The following DOCK4 variants were observed in gnomAD, a reference collection of about 807,000 sequenced individuals.
DOCK4 encodes the protein dedicator of cytokinesis 4.
In DOCK4, 97 loss-of-function variants were observed where a neutral mutation model predicts 268.1. That is an observed-to-expected ratio of 0.36 (90% confidence interval 0.31 to 0.43). DOCK4 has a LOEUF of 0.43. DOCK4 is among the 20% of genes least tolerant of loss of function. The probability of loss-of-function intolerance (pLI) is 1.00; values close to 1 mark genes in which losing one functional copy is unlikely to be tolerated. For synonymous variants in DOCK4, 954 were observed against 887.2 expected, an observed-to-expected ratio of 1.08 and a Z score of -1.34; for missense variants, 2,145 against 2,455.7, an observed-to-expected ratio of 0.87 and a Z score of 2.67.
intron 1 of DOCK4, among the ~76,000 whole-genome samples, chr7:112,202,020 T>TC (rs1820985217): frequency 6.6e-6 from 1 of 152,242 alleles, no homozygotes; most frequent in African/African-American, 2.4e-5. Context: ...GACAGGATTT[T>TC]CCCCTTTTTC....
At chr7:112,182,799 G>C (rs1372469838) in intron 1 of DOCK4, among the ~76,000 whole-genome samples, 5 of 152,206 alleles carry the variant, frequency 3.3e-5, no homozygotes, top group African/African-American at 9.7e-5. Flanking sequence ...TCACTATCAA[G>C]ACCTAAACCA....
chr7:111,924,859 A>C (rs1270865544), intron 12 of DOCK4, among the ~76,000 whole-genome samples: 1 of 152,252 alleles, frequency 6.6e-6, no homozygotes, highest in Non-Finnish European at 1.5e-5. Flanking sequence ...GCAGCTCTTC[A>C]CACTGCCATT....
In DOCK4 at chr7:111,913,120, T is replaced by A. The variant is rs190726163; in HGVS notation, c.1192+2659A>T. Among the ~76,000 whole-genome samples the A allele has an allele frequency of 8.4e-4, 127 of 151,000 alleles. No individual in the cohort carries two copies. In the East Asian group the frequency reaches 0.023, roughly 27 times the overall value. On this transcript the variant is annotated intron_variant, in intron 13 of 52. Coordinates refer to ENST00000428084, the MANE Select transcript of DOCK4 (RefSeq NM_001363540.2). The stretch of plus-strand genomic sequence containing the variant: ...CTGGAATTACAGTCACATGCCACCA[T>A]GCCCGGCTAATTTTTTGTATTTTTA...
intron 8 of DOCK4, among the ~76,000 whole-genome samples, chr7:111,955,141 T>C (rs1206814057): frequency 2.0e-5 from 3 of 152,128 alleles, no homozygotes; most frequent in African/African-American, 4.8e-5. Context: ...CCCAACCACA[T>C]GAGAACACAA....
chr7:112,187,697 A>C (rs953620568), intron 1 of DOCK4, among the ~76,000 whole-genome samples: 1 of 152,172 alleles, frequency 6.6e-6, no homozygotes, highest in Non-Finnish European at 1.5e-5. Context: ...ACAATGATTA[A>C]TAGTCATAAT....
Position 111,792,584 on chromosome 7 carries a change from T to A in DOCK4, c.3167-1979A>T, listed in dbSNP as rs192429317. On this transcript the variant is annotated intron_variant, in intron 30 of 52. Coordinates refer to ENST00000428084, the MANE Select transcript of DOCK4 (RefSeq NM_001363540.2). ...TTTTAGTAGAGACGGGGTTTTACCA[T>A]GTTGCCCAGGCTGGTCTTGAACTCC... Among the ~76,000 whole-genome samples, 180 of 152,232 alleles carry A rather than the reference T, an allele frequency of 1.2e-3. 1 individual carries two copies. The highest frequency in any genetic ancestry group is 4.2e-3 in the African/African-American group (176 of 41,526).
In DOCK4 at chr7:111,945,803, A is replaced by G; in HGVS notation, c.702-5T>C. The stretch of plus-strand genomic sequence containing the variant: ...AGCCTCAAGAAAAATCTCTCACTAC[A>G]AGAGAAAAAATGTTTAACAATTTGA... On this transcript the variant is annotated splice_region_variant and splice_polypyrimidine_tract_variant and intron_variant, in intron 8 of 52. Transcript: ENST00000428084. 6.4e-7 allele frequency: 1 copy of G among 1,572,590 alleles called. No individual in the cohort carries two copies. The highest frequency in any genetic ancestry group is 8.6e-7 in the Non-Finnish European group (1 of 1,157,816).
intron 8 of DOCK4, among the ~76,000 whole-genome samples, chr7:111,952,577 A>G (rs1163923929): frequency 6.6e-6 from 1 of 152,244 alleles, no homozygotes; most frequent in Non-Finnish European, 1.5e-5. Flanking sequence ...AAAACTGTCT[A>G]GTGATTCAAT....
chr7:111,979,271 A>G (rs1758993484), intron 7 of DOCK4, among the ~76,000 whole-genome samples: 1 of 152,188 alleles, frequency 6.6e-6, no homozygotes, highest in Admixed American at 6.5e-5. Flanking sequence ...TTCATCTACA[A>G]TCACTGTATA....
chr7:112,015,633 T>C (rs1356087611), intron 1 of DOCK4, among the ~76,000 whole-genome samples: 1 of 152,176 alleles, frequency 6.6e-6, no homozygotes, highest in Non-Finnish European at 1.5e-5. Context: ...TATTCTTAAA[T>C]AAGCTTCAGC....
chr7:112,001,165 T>C (rs922437996), intron 2 of DOCK4, among the ~76,000 whole-genome samples: 4 of 152,230 alleles, frequency 2.6e-5, no homozygotes, highest in African/African-American at 4.8e-5. Flanking sequence ...GAGCTCAGCG[T>C]AATTTTTATT....
chr7:111,895,568 G>A, intron 16 of DOCK4, 44 bp downstream of exon 16: 1 of 1,508,824 alleles, frequency 6.6e-7, no homozygotes, highest in Admixed American at 1.7e-5. Context: ...TGTTATTTCA[G>A]CACTGTTTTT....
intron 4 of DOCK4, among the ~76,000 whole-genome samples, chr7:111,994,841 C>T (rs926719569): frequency 6.6e-6 from 1 of 152,142 alleles, no homozygotes; most frequent in Non-Finnish European, 1.5e-5. Context: ...TGGCTTATGA[C>T]ATCACCGATA....
chr7:111,951,106 T>C (rs1408732846), intron 8 of DOCK4, among the ~76,000 whole-genome samples: 1 of 152,232 alleles, frequency 6.6e-6, no homozygotes, highest in Non-Finnish European at 1.5e-5. Flanking sequence ...CAAAAATGAC[T>C]ATTTCTTTGG....
chr7:111,936,880 A>G (rs534334512), intron 11 of DOCK4, among the ~76,000 whole-genome samples: 1 of 152,308 alleles, frequency 6.6e-6, no homozygotes, highest in South Asian at 2.1e-4. Context: ...GAGCCAATTA[A>G]CAGTGGGATA....
At chr7:111,916,617 G>T (rs1792606506) in intron 12 of DOCK4, among the ~76,000 whole-genome samples, 1 of 152,070 alleles carries the variant, frequency 6.6e-6, no homozygotes, top group Non-Finnish European at 1.5e-5. Context: ...ATATACAGAA[G>T]ATGCAAAACA....
intron 27 of DOCK4, among the ~76,000 whole-genome samples, chr7:111,813,236 G>T (rs1175464577): frequency 1.3e-5 from 2 of 152,124 alleles, no homozygotes; most frequent in African/African-American, 4.8e-5. Context: ...TTTGCAATTG[G>T]AGGATGTATT....
At chr7:111,994,275 A>G (rs766774672) in intron 4 of DOCK4, 44 bp from the exon 5 acceptor site, 10 of 1,312,208 alleles carry the variant, frequency 7.6e-6, no homozygotes, top group African/African-American at 1.5e-5. Flanking sequence ...AATACCATAG[A>G]CAACAATTTT....
chr7:111,908,105 G>A (rs905599935), intron 13 of DOCK4, among the ~76,000 whole-genome samples: 1 of 152,010 alleles, frequency 6.6e-6, no homozygotes, highest in Non-Finnish European at 1.5e-5. Context: ...GCTTACTGCT[G>A]TTTCAATTCC....
Sources: gnomAD v4.1 joint callset for allele counts (sites outside exome capture counted in the v4.1 genomes callset) on GRCh38, gnomAD v4.1.1 for gene constraint, MANE v1.5 for transcripts, NCBI Gene and HGNC (gene_info 2026-07-23, HGNC 2026-07-21) for gene names.